Variants in UPP2 observed in about 807,000 individuals in gnomAD.
UPP2 encodes UPase 2.
In UPP2, 23 loss-of-function variants were observed where a neutral mutation model predicts 26.7. The observed-to-expected ratio is 0.86, with a 90% CI of 0.62 to 1.22. The LOEUF (loss-of-function observed/expected upper bound fraction) is 1.22, where lower values mean the gene tolerates loss of function less well. Ranked by LOEUF, UPP2 falls within the 50% of genes most tolerant of loss-of-function variation. UPP2 has a pLI of 0.00. For missense variants in UPP2, 387 were observed against 396.7 expected (o/e 0.98, Z 0.21); for synonymous variants, 127 against 141.3 (o/e 0.90, Z 0.72).
intron 3 of UPP2, among the ~76,000 whole-genome samples, chr2:158,037,153 T>C (rs1344681371): frequency 6.6e-6 from 1 of 152,070 alleles, no homozygotes; most frequent in African/African-American, 2.4e-5. Flanking sequence ...GGTGGGTGAA[T>C]AACGAGGTCA....
chr2:158,116,585 T>C (rs1382160184), intron 3 of UPP2, among the ~76,000 whole-genome samples: 1 of 152,224 alleles, frequency 6.6e-6, no homozygotes, highest in African/African-American at 2.4e-5. Context: ...CCAGTAGTGG[T>C]TGAATGGGGT....
At position 158,116,072 on chromosome 2, in the gene UPP2, T is replaced by C. The variant is rs187029265; in HGVS notation, c.339+813T>C. Among the ~76,000 whole-genome samples, 171 of 152,310 alleles carry C rather than the reference T, an allele frequency of 1.1e-3. 1 individual carries two copies. Among genetic ancestry groups the C allele is most frequent in the African/African-American group, 3.9e-3 (162 of 41,580 alleles). On this transcript the variant is annotated intron_variant, in intron 3 of 6. Transcript: ENST00000005756. ...TACCATAGGGAATAGGCATCATCCA[T>C]TGATTGCCCTACAGTGTGGACAATC...
At chr2:157,995,203 T>C in exon 2 of UPP2, 1 of 1,613,734 alleles carries the variant, frequency 6.2e-7, no homozygotes, top group Non-Finnish European at 8.5e-7. Flanking sequence ...GCTGCCATGC[T>C]GGCCCCAGGC....
chr2:158,016,331 C>A (rs1156935981), intron 3 of UPP2, among the ~76,000 whole-genome samples: 3 of 151,680 alleles, frequency 2.0e-5, no homozygotes, highest in Admixed American at 6.6e-5. Context: ...AAAAAAAATT[C>A]TTGTGAATTA....
chr2:158,126,430 T>C (rs1414067660), intron 6 of UPP2: 1 of 152,112 alleles, frequency 6.6e-6, no homozygotes, highest in Non-Finnish European at 1.5e-5. Flanking sequence ...TTCTTGGGAG[T>C]ATTTCTATCT....
rs777269528 is a variant in UPP2, at chr2:158,083,805, CAT to C, written c.148-18223_148-18222del. On this transcript the variant is annotated intron_variant, in intron 3 of 9. Coordinates refer to the UPP2 transcript ENST00000605860. The stretch of plus-strand genomic sequence containing the variant: ...GTATTCCATGGTGTATATATATATA[CAT>C]ATATATATATACACGTATATATAGA... Among the ~76,000 whole-genome samples the C allele has an allele frequency of 2.1e-3, 304 of 144,314 alleles. 4 individuals are homozygous for C. In the South Asian group the frequency reaches 0.025, roughly 12 times the overall value. 94.7% of individuals were successfully genotyped at this position (144,314 alleles called of 152,430 possible).
At chr2:158,078,614 G>A (rs1475514850) in intron 3 of UPP2, among the ~76,000 whole-genome samples, 1 of 152,072 alleles carries the variant, frequency 6.6e-6, no homozygotes, top group South Asian at 2.1e-4. Context: ...AGTAGAAGAT[G>A]GTTACCAGAG....
At chr2:158,035,168 T>C (rs1385653738) in intron 3 of UPP2, among the ~76,000 whole-genome samples, 9 of 151,934 alleles carry the variant, frequency 5.9e-5, no homozygotes, top group Non-Finnish European at 4.4e-5. Context: ...CTTTTTTTTT[T>C]TTTTTCTGAG....
chr2:158,053,056 G>A (rs1358588694), intron 3 of UPP2, among the ~76,000 whole-genome samples: 1 of 152,114 alleles, frequency 6.6e-6, no homozygotes. Flanking sequence ...GAAGAAAGGA[G>A]GTGCCCCTGG....
chr2:158,067,358 T>A, intron 3 of UPP2, among the ~76,000 whole-genome samples: 1 of 137,596 alleles, frequency 7.3e-6, no homozygotes. Flanking sequence ...AATAGTGAAA[T>A]GCATTTATCA....
At chr2:158,134,696 ATAGAAAAG>A in intron 6 of UPP2, 44 bp from the exon 7 acceptor site, 1 of 1,529,616 alleles carries the variant, frequency 6.5e-7, no homozygotes, top group Non-Finnish European at 8.8e-7. Flanking sequence ...TAATGCTTCT[ATAGAAAAG>A]ATGAACCCAT....
At chr2:158,013,175 T>G (rs76739034) in intron 2 of UPP2, among the ~76,000 whole-genome samples, 3,908 of 152,188 alleles carry the variant, frequency 0.026, 160 homozygotes, top group African/African-American at 0.089. Flanking sequence ...GTTTTATTTT[T>G]TGTGGAGATG....
At chr2:158,075,533 G>A (rs964093034) in intron 3 of UPP2, among the ~76,000 whole-genome samples, 4 of 151,930 alleles carry the variant, frequency 2.6e-5, no homozygotes, top group Admixed American at 6.6e-5. Context: ...ATATCAAGTT[G>A]AATTTTGACA....
At chr2:158,084,933 C>T (rs940654546) in intron 3 of UPP2, among the ~76,000 whole-genome samples, 1 of 152,188 alleles carries the variant, frequency 6.6e-6, no homozygotes, top group African/African-American at 2.4e-5. Flanking sequence ...AATGTGATGC[C>T]TCCAGATTTG....
intron 3 of UPP2, among the ~76,000 whole-genome samples, chr2:158,083,165 A>G (rs964560256): frequency 6.6e-6 from 1 of 152,198 alleles, no homozygotes; most frequent in Non-Finnish European, 1.5e-5. Flanking sequence ...TCAAGGATCT[A>G]GAATCAGAAA....
chr2:158,115,161 G>C lies in UPP2; in HGVS notation c.241G>C (p.Glu81Gln). 6.2e-7 allele frequency: 1 copy of C among 1,613,718 alleles called. No homozygotes were observed. The highest frequency in any genetic ancestry group is 8.5e-7 in the Non-Finnish European group (1 of 1,179,868). Residue 81 changes from glutamate to glutamine, a missense_variant, in exon 3 of 7, where the codon GAG becomes CAG. Coordinates refer to ENST00000005756, the MANE Select transcript of UPP2 (RefSeq NM_173355.4). The part of the protein sequence containing the change: ...MKAFALFMHK[E>Q]LGFEEAEEDI... ...AGCATTTGCACTGTTTATGCACAAG[G>C]AGCTCGGGTTTGAGGAAGCTGAAGA...
upstream of UPP2, among the ~76,000 whole-genome samples, chr2:158,100,386 C>A (rs1683055170): frequency 6.6e-6 from 1 of 152,226 alleles, no homozygotes; most frequent in Admixed American, 6.5e-5. Context: ...TAATTAATTA[C>A]TGAACACTTA....
chr2:158,084,857 C>T (rs1472487007), intron 3 of UPP2, among the ~76,000 whole-genome samples: 1 of 152,052 alleles, frequency 6.6e-6, no homozygotes, highest in Non-Finnish European at 1.5e-5. Flanking sequence ...GTCTGTATGC[C>T]TATTTTTATA....
intron 3 of UPP2, among the ~76,000 whole-genome samples, chr2:158,047,800 T>A (rs1684177791): frequency 6.6e-6 from 1 of 152,228 alleles, no homozygotes; most frequent in South Asian, 2.1e-4. Context: ...AACAAGTACT[T>A]GGTGAACATA....
Sources: allele counts gnomAD v4.1 joint callset (sites outside exome capture counted in the v4.1 genomes callset), GRCh38; gene constraint gnomAD v4.1.1; transcripts MANE v1.5; gene names NCBI Gene and HGNC (gene_info 2026-07-23, HGNC 2026-07-21).